Variants in BAZ2B observed in about 807,000 individuals in gnomAD.
BAZ2B encodes the protein bromodomain adjacent to zinc finger domain protein 2B.
BAZ2B carries 91 observed loss-of-function variants against 246.0 expected under a neutral mutation model. The ratio of observed to expected loss-of-function variants is 0.37; its 90% CI spans 0.31 to 0.44. The LOEUF (loss-of-function observed/expected upper bound fraction) is 0.44. Ranked by LOEUF, BAZ2B falls within the 20% of genes least tolerant of loss-of-function variation. BAZ2B has a pLI of 1.00. For synonymous variants in BAZ2B, 855 were observed against 860.0 expected, an observed-to-expected ratio of 0.99 and a Z score of 0.10; for missense variants, 2,332 against 2,533.7, an observed-to-expected ratio of 0.92 and a Z score of 1.71.
At chr2:159,370,880 C>A (rs2060777112) in intron 27 of BAZ2B, among the ~76,000 whole-genome samples, 1 of 152,016 alleles carries the variant, frequency 6.6e-6, no homozygotes, top group Middle Eastern at 3.4e-3. Flanking sequence ...CGGCTCACTG[C>A]AACCTCTCCT....
intron 27 of BAZ2B, among the ~76,000 whole-genome samples, chr2:159,370,271 T>C (rs542431074): frequency 1.3e-5 from 2 of 151,178 alleles, no homozygotes; most frequent in Non-Finnish European, 2.9e-5. Flanking sequence ...TATACATATG[T>C]AACAAATCTG....
At chr2:159,697,897 G>A in the BAZ2B span, among the ~76,000 whole-genome samples, 1 of 152,126 alleles carries the variant, frequency 6.6e-6, no homozygotes, top group African/African-American at 2.4e-5. Flanking sequence ...ATGCGGGTTA[G>A]AGTTGAGTAA....
At chr2:159,344,976 G>A (rs1160371110) in intron 31 of BAZ2B, among the ~76,000 whole-genome samples, 1 of 152,106 alleles carries the variant, frequency 6.6e-6, no homozygotes, top group African/African-American at 2.4e-5. Flanking sequence ...TTCGGAGGCC[G>A]AGGTGGGCAG....
At chr2:159,585,694 C>A (rs1047413596) in intron 1 of BAZ2B, among the ~76,000 whole-genome samples, 1 of 152,020 alleles carries the variant, frequency 6.6e-6, no homozygotes, top group Non-Finnish European at 1.5e-5. Context: ...TTTCTGATAC[C>A]CAGAATTATT....
intron 25 of BAZ2B, among the ~76,000 whole-genome samples, chr2:159,377,819 AAAAAAAAAAAAG>A (rs2061574722): frequency 6.6e-6 from 1 of 151,176 alleles, no homozygotes; most frequent in Admixed American, 6.6e-5. Context: ...CTCCAAAAAA[AAAAAAAAAAAAG>A]AAGTGAAATA....
At chr2:159,410,334 G>A (rs1385312892) in intron 14 of BAZ2B, among the ~76,000 whole-genome samples, 1 of 152,120 alleles carries the variant, frequency 6.6e-6, no homozygotes, top group African/African-American at 2.4e-5. Flanking sequence ...CTCTGTGTTC[G>A]TACCCAAATC....
chr2:159,689,562 T>C, the BAZ2B span: 1 of 230,916 alleles, frequency 4.3e-6, no homozygotes, highest in Non-Finnish European at 8.4e-6. Flanking sequence ...TTAGTAGAGA[T>C]GGGGTTTCAC....
chr2:159,361,253 A>G (rs2059659095), intron 27 of BAZ2B, among the ~76,000 whole-genome samples: 1 of 152,228 alleles, frequency 6.6e-6, no homozygotes, highest in African/African-American at 2.4e-5. Context: ...ACAAATTTAC[A>G]AGAAAATATA....
At chr2:159,488,668 T>C (rs2080110766) in intron 2 of BAZ2B, among the ~76,000 whole-genome samples, 2 of 152,164 alleles carry the variant, frequency 1.3e-5, no homozygotes, top group African/African-American at 4.8e-5. Context: ...CATTAAAAAA[T>C]ATTACACAAA....
intron 1 of BAZ2B, among the ~76,000 whole-genome samples, chr2:159,565,363 T>C (rs2090283990): frequency 1.3e-5 from 2 of 152,158 alleles, no homozygotes; most frequent in Non-Finnish European, 2.9e-5. Context: ...AGTGGAGTCT[T>C]CAAAGTTATT....
intron 2 of BAZ2B, among the ~76,000 whole-genome samples, chr2:159,531,691 A>G (rs1047423308): frequency 6.6e-6 from 1 of 152,136 alleles, no homozygotes; most frequent in Non-Finnish European, 1.5e-5. Flanking sequence ...CGAGCCATTT[A>G]CAGCCTCCAA....
chr2:159,694,770 CTAT>C, the BAZ2B span: 1 of 152,210 alleles, frequency 6.6e-6, no homozygotes, highest in African/African-American at 2.4e-5. Flanking sequence ...ATTTTGACTA[CTAT>C]GACATGAACA....
At chr2:159,639,365 G>C in the BAZ2B span, among the ~76,000 whole-genome samples, 2 of 152,158 alleles carry the variant, frequency 1.3e-5, no homozygotes, top group African/African-American at 4.8e-5. Flanking sequence ...CACTGGTAAT[G>C]GTAAGCACAT....
chr2:159,699,824 T>C, the BAZ2B span, among the ~76,000 whole-genome samples: 3 of 152,238 alleles, frequency 2.0e-5, no homozygotes, highest in African/African-American at 7.2e-5. Flanking sequence ...ACTTTATCTA[T>C]GCTGCTTATC....
chr2:159,681,621 T>C, the BAZ2B span, among the ~76,000 whole-genome samples: 3 of 152,182 alleles, frequency 2.0e-5, no homozygotes, highest in Admixed American at 6.5e-5. Flanking sequence ...AATTAAACAG[T>C]TGTTACACCC....
In BAZ2B at chr2:159,582,066, A is replaced by AAT. The variant is rs1553732694; in HGVS notation, c.-45-26202_-45-26201insAT. On this transcript the variant is annotated intron_variant, in intron 1 of 36. Coordinates refer to ENST00000392783, the MANE Select transcript of BAZ2B (RefSeq NM_013450.4). ...ACATGTACCCTAGAACTTAAAGTAT[A>AAT]AAAAAAATGCTTACACATCACTGTA... Among the ~76,000 whole-genome samples, 27 of 150,604 alleles carry AAT rather than the reference A, an allele frequency of 1.8e-4. No individual in the cohort carries two copies. In the East Asian group the frequency reaches 2.7e-3, roughly 15 times the overall value.
chr2:159,524,547 A>G (rs1442553125), intron 2 of BAZ2B, among the ~76,000 whole-genome samples: 1 of 152,168 alleles, frequency 6.6e-6, no homozygotes, highest in Admixed American at 6.5e-5. Context: ...AGATATTTCA[A>G]TAGAACCAAT....
intron 2 of BAZ2B, among the ~76,000 whole-genome samples, chr2:159,509,806 T>C (rs80103044): frequency 3.0e-4 from 45 of 152,280 alleles, no homozygotes; most frequent in African/African-American, 1.1e-3. Flanking sequence ...CATTTGTATA[T>C]ATGTACAAAT....
intron 1 of BAZ2B, among the ~76,000 whole-genome samples, chr2:159,559,555 C>T (rs2089606056): frequency 6.6e-6 from 1 of 152,064 alleles, no homozygotes; most frequent in South Asian, 2.1e-4. Flanking sequence ...GATAGATCTA[C>T]AGTTAAAAAT....
Sources: gnomAD v4.1 joint callset for allele counts (sites outside exome capture counted in the v4.1 genomes callset) on GRCh38, gnomAD v4.1.1 for gene constraint, MANE v1.5 for transcripts, NCBI Gene and HGNC (gene_info 2026-07-23, HGNC 2026-07-21) for gene names.